MYO18A: variants seen among roughly 807,000 people sequenced by gnomAD.
MYO18A encodes the protein myosin XVIIIA, also known as unconventional myosin-XVIIIa.
A neutral mutation model predicts 235.8 loss-of-function variants in MYO18A; 78 were observed. The ratio of observed to expected loss-of-function variants is 0.33; its 90% confidence interval spans 0.28 to 0.40. MYO18A has a LOEUF of 0.40. Ranked by LOEUF, MYO18A falls within the 10% of genes least tolerant of loss-of-function variation. MYO18A has a pLI of 1.00. For synonymous variants in MYO18A, 977 were observed against 1,077.8 expected (o/e 0.91, Z 1.83); for missense variants, 2,215 against 2,699.3 (o/e 0.82, Z 3.98).
rs539928211 is a variant in MYO18A, at chr17:29,110,577, C to T, written c.2946G>A (p.Thr982=). 8.7e-6 allele frequency: 14 copies of T among 1,612,194 alleles called. No individual in the cohort carries two copies. The South Asian group carries it at 8.8e-5, about 10-fold the overall frequency. ...GGCCCGCGATGGAGCCAGAGAGCAC[C>T]GTGGCACTGCCTGCGCGGCCCAGAA... ...NLFLGRAGSA[T]VLSGSIAGLE... The change falls in exon 18 of 42, where the codon ACG becomes ACA. Residue 982 remains threonine, a synonymous_variant. Coordinates refer to ENST00000527372, the MANE Select transcript of MYO18A (RefSeq NM_078471.4).
intron 11 of MYO18A, 96 bp from the exon 12 acceptor site, chr17:29,115,936 G>T: frequency 7.2e-7 from 1 of 1,383,390 alleles, no homozygotes; most frequent in Non-Finnish European, 9.8e-7. Context: ...TCTTCTGGAG[G>T]CAAAAGCCAG....
At position 29,096,862 on chromosome 17, in the gene MYO18A, G is replaced by A; in HGVS notation, c.4284C>T (p.Leu1428=). 1 of 1,585,764 alleles carries A rather than the reference G, an allele frequency of 6.3e-7. No homozygotes were observed. Among genetic ancestry groups the A allele is most frequent in the East Asian group, 2.3e-5 (1 of 43,472 alleles). The change falls in exon 28 of 42, where the codon CTC becomes CTT. Residue 1428 remains leucine (L), a synonymous_variant. Transcript: ENST00000527372. ...SEESQRALQQ[L]KKKCQRLTAE... Reference sequence around the variant, plus strand: ...CCGTCAGTCGCTGGCACTTCTTCTTGAGCTGCTGCAGAGCCCGCTGACTCT... The same window carrying A: ...CCGTCAGTCGCTGGCACTTCTTCTTAAGCTGCTGCAGAGCCCGCTGACTCT...
rs372707170 is a variant in MYO18A, at chr17:29,103,593, A to G, written c.3507+6T>C. ...GGCCCGACTGCCCTCCTGTGGGACA[A>G]CTCACCCGGCTCAGGCCCATGCAGC... On this transcript the variant is annotated splice_donor_region_variant and intron_variant, in intron 21 of 41. Transcript: ENST00000527372. 2 of 1,613,754 alleles carry G rather than the reference A, an allele frequency of 1.2e-6. No individual in the cohort carries two copies. Among genetic ancestry groups the G allele is most frequent in the Non-Finnish European group, 1.7e-6 (2 of 1,179,836 alleles).
rs763711451 is a variant in MYO18A, at chr17:29,120,777, A to G, written c.1586-19T>C. The G allele has an allele frequency of 3.7e-5, 60 of 1,605,430 alleles. No homozygotes were observed. The highest frequency in any genetic ancestry group is 4.6e-5 in the Non-Finnish European group (54 of 1,174,852). ...TTCTCCACTGCAGAATACAGGCCCA[A>G]GGGGATATCAGGAAAGCCAGGGGCA... On this transcript the variant is annotated intron_variant, in intron 6 of 41. Transcript: ENST00000527372. The surrounding 1 kb of genome is among the most constrained non-coding windows in gnomAD (Gnocchi z 4.2).
At chr17:29,090,172 T>TATCA in intron 36 of MYO18A, 74 bp from the exon 37 acceptor site, 1 of 1,516,222 alleles carries the variant, frequency 6.6e-7, no homozygotes, top group Non-Finnish European at 8.9e-7. Context: ...GGGCAGGCAA[T>TATCA]ATCACCACAG....
rs749001538 is a variant in MYO18A at position 29,118,330 on chromosome 17, AC to A, written c.1893+46del. 23 of 1,579,996 alleles carry A rather than the reference AC, an allele frequency of 1.5e-5. No homozygotes were observed. The Admixed American group carries it at 3.8e-4, about 26-fold the overall frequency. On this transcript the variant is annotated intron_variant, in intron 9 of 41. Coordinates refer to ENST00000527372, the MANE Select transcript of MYO18A (RefSeq NM_078471.4). This position sits in a 1 kb window ranked among gnomAD's most constrained non-coding sequence, Gnocchi z 4.2. ...CACAGGACCCATGGAGGCTTCTCCTACCCCCAAGGCCCAGGGCTGGCAACCC... is the reference window on the plus strand; with the variant it reads ...CACAGGACCCATGGAGGCTTCTCCTACCCCAAGGCCCAGGGCTGGCAACCC...
intron 2 of MYO18A, among the ~76,000 whole-genome samples, chr17:29,131,662 G>T (rs1397443025): frequency 6.6e-6 from 1 of 152,218 alleles, no homozygotes; most frequent in Non-Finnish European, 1.5e-5. Flanking sequence ...GGGGGAAAAA[G>T]CCAAGTACCC....
Position 29,126,180 on chromosome 17 carries a change from T to C in MYO18A, c.1000-3927A>G, listed in dbSNP as rs1957176347. Among the ~76,000 whole-genome samples the C allele has an allele frequency of 6.6e-6, 1 of 152,172 alleles. No individual in the cohort carries two copies. Among genetic ancestry groups the C allele is most frequent in the Non-Finnish European group, 1.5e-5 (1 of 68,018 alleles). ...GGTTATTTCTTCCCACCTGCCTATC[T>C]TGAGCACCAAATGGCCCTATTATCC... On this transcript the variant is annotated intron_variant, in intron 2 of 41. Coordinates refer to ENST00000527372, the MANE Select transcript of MYO18A (RefSeq NM_078471.4). This position sits in a 1 kb window ranked among gnomAD's most constrained non-coding sequence, Gnocchi z 4.1.
At chr17:29,177,943 T>C (rs1464190477) in intron 1 of MYO18A, among the ~76,000 whole-genome samples, 2 of 152,208 alleles carry the variant, frequency 1.3e-5, no homozygotes, top group Non-Finnish European at 2.9e-5. Context: ...CAAGTCCAGA[T>C]GAAGGCTTCC....
In MYO18A at chr17:29,074,220, C is replaced by A. The variant is rs778082559; in HGVS notation, c.*550G>T. 1 of 1,569,068 alleles carries A rather than the reference C, an allele frequency of 6.4e-7. No individual in the cohort carries two copies. Among genetic ancestry groups the A allele is most frequent in the South Asian group, 1.2e-5 (1 of 83,822 alleles). On this transcript the variant is annotated 3_prime_UTR_variant, in exon 42 of 42. Coordinates refer to ENST00000527372, the MANE Select transcript of MYO18A (RefSeq NM_078471.4). The surrounding 1 kb of genome is among the most constrained non-coding windows in gnomAD (Gnocchi z 4.4). ...GACATTCCCGAGTCGTTCTTGGGAG[C>A]CCCAGCTACCACTACAGCCCCCTCC...
chr17:29,095,103 G>C, intron 28 of MYO18A, 44 bp from the exon 29 acceptor site: 1 of 1,489,220 alleles, frequency 6.7e-7, no homozygotes, highest in East Asian at 2.5e-5. Context: ...GAAGAGCCAG[G>C]GTCCCCCACA....
Position 29,093,981 on chromosome 17 carries a change from T to C in MYO18A, c.4820A>G (p.Lys1607Arg). ...VEEARQSCQK[K>R]LKQMEVQLEE... ...CAGGTAAGTACTCAGATACCTTACC[T>C]TCTTCTGACACGACTGCCGGGCCTC... Residue 1607 changes from lysine (K) to arginine (R), a missense_variant and splice_region_variant, in exon 31 of 42, where the codon AAG becomes AGG. Transcript: ENST00000527372. 1.2e-6 allele frequency: 2 copies of C among 1,604,388 alleles called. No individual in the cohort carries two copies. The highest frequency in any genetic ancestry group is 2.3e-5 in the South Asian group (2 of 88,864).
At chr17:29,091,932 CTTGGGCTTGTCA>C (rs1430598230) in intron 34 of MYO18A, 1 of 329,626 alleles carries the variant, frequency 3.0e-6, no homozygotes, top group Non-Finnish European at 5.9e-6. Flanking sequence ...TTAGCTGCCG[CTTGGGCTTGTCA>C]GTGGGCTGGG....
intron 13 of MYO18A, 88 bp from the exon 14 acceptor site, chr17:29,115,187 T>C: frequency 1.4e-6 from 2 of 1,465,820 alleles, no homozygotes; most frequent in Non-Finnish European, 1.8e-6. Flanking sequence ...CCTCTATCCC[T>C]GCCCAGGACC....
chr17:29,095,183 C>T (rs970315829), intron 28 of MYO18A, 124 bp from the exon 29 acceptor site: 36 of 1,354,846 alleles, frequency 2.7e-5, no homozygotes, highest in Non-Finnish European at 3.3e-5. Context: ...GCAGCCCTAA[C>T]GTGGGGCCAG....
intron 41 of MYO18A, chr17:29,080,456 C>G (rs2066091567): frequency 1.0e-6 from 1 of 986,004 alleles, no homozygotes; most frequent in Non-Finnish European, 1.2e-6. Flanking sequence ...TCCCACTCCT[C>G]TAGGCAGCTC....
At chr17:29,133,282 C>G (rs970157312) in intron 2 of MYO18A, among the ~76,000 whole-genome samples, 2 of 152,252 alleles carry the variant, frequency 1.3e-5, no homozygotes, top group African/African-American at 4.8e-5. Flanking sequence ...TTGTAGGTCA[C>G]TGCCCAGCTG....
At chr17:29,153,191 C>T (rs748249533) in intron 2 of MYO18A, among the ~76,000 whole-genome samples, 4 of 151,928 alleles carry the variant, frequency 2.6e-5, no homozygotes, top group Non-Finnish European at 4.4e-5. Flanking sequence ...GGTGCAATCA[C>T]GGCTCACTGC....
intron 12 of MYO18A, 99 bp downstream of exon 12, chr17:29,115,565 C>A: frequency 6.8e-7 from 1 of 1,475,946 alleles, no homozygotes; most frequent in Non-Finnish European, 9.1e-7. Context: ...ACTGACAGAG[C>A]ATCTGTTCAC....
Sources: allele counts gnomAD v4.1 joint callset (sites outside exome capture counted in the v4.1 genomes callset), GRCh38; gene constraint gnomAD v4.1.1; non-coding constraint Gnocchi (gnomAD v3.1); transcripts MANE v1.5; gene names NCBI Gene and HGNC (gene_info 2026-07-23, HGNC 2026-07-21).